SORBS2: variants seen among roughly 807,000 people sequenced by gnomAD.
The protein encoded by SORBS2 is sorbin and SH3 domain containing 2.
A neutral mutation model predicts 97.7 loss-of-function variants in SORBS2; 46 were observed. The observed-to-expected ratio is 0.47, with a 90% CI of 0.37 to 0.60. The LOEUF is 0.60. SORBS2 is among the 20% of genes least tolerant of loss of function. The pLI is 0.00. For synonymous variants in SORBS2, 476 were observed against 473.4 expected, an observed-to-expected ratio of 1.01 and a Z score of -0.07; for missense variants, 1,316 against 1,282.3, an observed-to-expected ratio of 1.03 and a Z score of -0.40.
At chr4:185,801,593 G>A (rs992843110) in intron 1 of SORBS2, among the ~76,000 whole-genome samples, 3 of 152,072 alleles carry the variant, frequency 2.0e-5, no homozygotes, top group East Asian at 1.9e-4. Flanking sequence ...GTTTCCATAC[G>A]TCTGTTTGCC....
intron 2 of SORBS2, among the ~76,000 whole-genome samples, chr4:185,703,065 C>A (rs1489979744): frequency 6.6e-6 from 1 of 152,198 alleles, no homozygotes; most frequent in Non-Finnish European, 1.5e-5. Flanking sequence ...ACCATCCTGA[C>A]AACCAAGCTG....
intron 1 of SORBS2, among the ~76,000 whole-genome samples, chr4:185,782,397 A>C (rs907936181): frequency 1.4e-4 from 21 of 152,376 alleles, no homozygotes; most frequent in African/African-American, 4.8e-4. Context: ...AGTTACTTGC[A>C]TTCATATATC....
rs1322475805 is a variant in SORBS2, at chr4:185,670,639, C to T, written c.-46+7784G>A. ...TTTTTTTTGGAGTCTTGCTCTCGAC[C>T]TCCAAAAGTGCTGGGATTACAGGCA... is the stretch of plus-strand genomic sequence containing the variant. On this transcript the variant is annotated intron_variant, in intron 4 of 20. Transcript: ENST00000284776. Among the ~76,000 whole-genome samples the T allele has an allele frequency of 2.0e-5, 3 of 151,382 alleles. No homozygotes were observed. In the South Asian group the frequency reaches 6.2e-4, roughly 32 times the overall value.
At chr4:185,665,797 G>A in intron 4 of SORBS2, 2 of 1,108,166 alleles carry the variant, frequency 1.8e-6, no homozygotes, top group Non-Finnish European at 2.2e-6. Flanking sequence ...ACCCCAGGTG[G>A]GGGAGGGTGT....
intron 1 of SORBS2, among the ~76,000 whole-genome samples, chr4:185,867,930 G>A (rs1303459801): frequency 2.0e-5 from 3 of 152,006 alleles, no homozygotes; most frequent in African/African-American, 7.2e-5. Flanking sequence ...CACAAATAGT[G>A]TCCCAGCTCT....
exon 14 of SORBS2, chr4:185,589,711 A>G: frequency 1.2e-6 from 2 of 1,612,128 alleles, no homozygotes; most frequent in Non-Finnish European, 1.7e-6. Flanking sequence ...CTTTTCCATG[A>G]CATCAATGAC....
At chr4:185,811,054 G>A (rs1488241125) in intron 1 of SORBS2, 1 of 152,078 alleles carries the variant, frequency 6.6e-6, no homozygotes, top group Non-Finnish European at 1.5e-5. Flanking sequence ...GCAGATACTC[G>A]GAAAGGAGGT....
chr4:185,694,855 C>A (rs1227132458), intron 2 of SORBS2, among the ~76,000 whole-genome samples: 4 of 151,864 alleles, frequency 2.6e-5, no homozygotes, highest in African/African-American at 9.7e-5. Flanking sequence ...TACAGGCGTG[C>A]ACCATCACGC....
chr4:185,785,126 T>C lies in SORBS2; in HGVS notation c.-337-9760A>G, dbSNP rs185761165. On this transcript the variant is annotated intron_variant, in intron 1 of 20. Transcript: ENST00000284776. Reference sequence around the variant, plus strand: ...GCTTCGATGGAGTTTAGGGAGTTTTTAAATCTAAATTGAAGATGAAATGTG... The same window carrying C: ...GCTTCGATGGAGTTTAGGGAGTTTTCAAATCTAAATTGAAGATGAAATGTG... 1.4e-3 allele frequency among the ~76,000 whole-genome samples: 209 copies of C among 152,060 alleles called. 2 individuals are homozygous for C. The highest frequency in any genetic ancestry group is 4.9e-3 in the African/African-American group (202 of 41,458).
At position 185,684,783 on chromosome 4, in the gene SORBS2, ACT is replaced by A; in HGVS notation, c.-197-5963_-197-5962del. 1.9e-6 allele frequency: 3 copies of A among 1,551,822 alleles called. No individual in the cohort carries two copies. The highest frequency in any genetic ancestry group is 2.6e-6 in the Non-Finnish European group (3 of 1,146,972). On this transcript the variant is annotated intron_variant, in intron 2 of 20. Coordinates refer to the SORBS2 transcript ENST00000284776. This position sits in a 1 kb window ranked among gnomAD's most constrained non-coding sequence, Gnocchi z 4.2. ...AGCCAATAGGTTTGGAGAACTTTGC[ACT>A]CTCTTCACAGATGTTAGCGTAACAG...
In SORBS2 at chr4:185,662,116, C is replaced by T. The variant is rs141720156; in HGVS notation, c.82G>A (p.Gly28Ser). ...GTAAATTACTTACCGAGGGATGTGC[C>T]GTGCTGCATGACAATGCTGGAGTTG... Residue 28 changes from glycine (G) to serine (S), a missense_variant, in exon 5 of 21, where the codon GGC (glycine) becomes AGC (serine). Coordinates refer to the SORBS2 transcript ENST00000284776. 103 of 1,613,988 alleles carry T rather than the reference C, an allele frequency of 6.4e-5. No individual in the cohort carries two copies. The African/African-American group carries it at 6.8e-4, about 11-fold the overall frequency.
At chr4:185,619,499 G>A (rs2096680101) in intron 8 of SORBS2, among the ~76,000 whole-genome samples, 1 of 152,172 alleles carries the variant, frequency 6.6e-6, no homozygotes, top group Non-Finnish European at 1.5e-5. Flanking sequence ...CAGCCGTCAT[G>A]GCTCCAAGGC....
intron 1 of SORBS2, among the ~76,000 whole-genome samples, chr4:185,788,897 C>T (rs1051490118): frequency 6.6e-6 from 1 of 152,218 alleles, no homozygotes; most frequent in African/African-American, 2.4e-5. Context: ...AACAGTTGCA[C>T]ACATTTGAAC....
chr4:185,840,673 C>T (rs2099210930), intron 1 of SORBS2, among the ~76,000 whole-genome samples: 1 of 152,184 alleles, frequency 6.6e-6, no homozygotes, highest in African/African-American at 2.4e-5. Flanking sequence ...TTCTCACACC[C>T]AGCCTTTAAA....
intron 1 of SORBS2, among the ~76,000 whole-genome samples, chr4:185,869,592 C>T (rs376916887): frequency 6.6e-6 from 1 of 152,216 alleles, no homozygotes; most frequent in East Asian, 1.9e-4. Context: ...TTCTTGAAGC[C>T]TCACTCATTC....
chr4:185,640,181 G>A lies in SORBS2; in HGVS notation c.396+6487C>T, dbSNP rs2097103406. Among the ~76,000 whole-genome samples the A allele has an allele frequency of 2.0e-5, 3 of 152,174 alleles. No homozygotes were observed. In the South Asian group the frequency reaches 6.2e-4, roughly 32 times the overall value. On this transcript the variant is annotated intron_variant, in intron 4 of 14. Transcript: ENST00000418609. Reference sequence around the variant, plus strand: ...GTGCAAAAGCCTAAGTTATCCAAAAGATGTAGTGATCATAATTATAAAGAC... The same window carrying A: ...GTGCAAAAGCCTAAGTTATCCAAAAAATGTAGTGATCATAATTATAAAGAC...
chr4:185,773,406 T>C (rs1000501051), intron 2 of SORBS2: 1 of 152,224 alleles, frequency 6.6e-6, no homozygotes, highest in African/African-American at 2.4e-5. Context: ...AACTTAAAGA[T>C]TAGACTGAAC....
At chr4:185,636,003 C>A (rs993117020) in intron 4 of SORBS2, among the ~76,000 whole-genome samples, 1 of 152,090 alleles carries the variant, frequency 6.6e-6, no homozygotes, top group South Asian at 2.1e-4. Flanking sequence ...GGATTACAGG[C>A]GTACGCCACC....
chr4:185,930,634 T>C (rs2099265975), intron 1 of SORBS2, among the ~76,000 whole-genome samples: 2 of 152,192 alleles, frequency 1.3e-5, no homozygotes, highest in African/African-American at 4.8e-5. Flanking sequence ...TTTGAATCCT[T>C]TCAGCTCTCT....
Sources: gnomAD v4.1 joint callset for allele counts (sites outside exome capture counted in the v4.1 genomes callset) on GRCh38, gnomAD v4.1.1 for gene constraint, Gnocchi (gnomAD v3.1) non-coding constraint, MANE v1.5 for transcripts, NCBI Gene and HGNC (gene_info 2026-07-23, HGNC 2026-07-21) for gene names.